DELE1: variants seen among roughly 807,000 people sequenced by gnomAD.
DELE1 encodes DAP3 binding cell death enhancer 1, also known as death ligand signal enhancer.
DELE1 carries 54 observed loss-of-function variants against 59.3 expected under a neutral mutation model. The observed-to-expected ratio is 0.91, with a 90% CI of 0.73 to 1.14. The LOEUF is 1.14. Ranked by LOEUF, DELE1 falls within the 50% of genes most tolerant of loss-of-function variation. The pLI is 0.00. For synonymous variants in DELE1, 264 were observed against 259.1 expected, an observed-to-expected ratio of 1.02 and a Z score of -0.18; for missense variants, 636 against 643.9, an observed-to-expected ratio of 0.99 and a Z score of 0.13.
chr5:141,928,554 G>A (rs1470447904), intron 4 of DELE1, among the ~76,000 whole-genome samples: 1 of 152,246 alleles, frequency 6.6e-6, no homozygotes, highest in Admixed American at 6.5e-5. Flanking sequence ...TAGATTCTGG[G>A]TGTGGCTTCC....
At chr5:141,938,192 A>C (rs1752521371) in intron 11 of DELE1, among the ~76,000 whole-genome samples, 1 of 152,102 alleles carries the variant, frequency 6.6e-6, no homozygotes, top group Non-Finnish European at 1.5e-5. Context: ...CAGTTTCTTC[A>C]CCTCTGAAAA....
Position 141,940,360 on chromosome 5 carries a change from G to A in DELE1, c.*1601G>A. Reference sequence around the variant, plus strand: ...CTGAATTTGTGAATAGCTATTCCCTGGCTTCTGGATGTTAGCCCAAGTTGA... The same window carrying A: ...CTGAATTTGTGAATAGCTATTCCCTAGCTTCTGGATGTTAGCCCAAGTTGA... On this transcript the variant is annotated 3_prime_UTR_variant, in exon 12 of 12. Coordinates refer to ENST00000432126, the MANE Select transcript of DELE1 (RefSeq NM_014773.5). The A allele has an allele frequency of 1.0e-6, 1 of 985,432 alleles. No homozygotes were observed. Among genetic ancestry groups the A allele is most frequent in the Non-Finnish European group, 1.2e-6 (1 of 829,952 alleles). 61.0% of individuals were successfully genotyped at this position (985,432 alleles called of 1,614,324 possible).
intron 7 of DELE1, among the ~76,000 whole-genome samples, chr5:141,930,702 A>G (rs1312456007): frequency 6.6e-6 from 1 of 152,236 alleles, no homozygotes. Context: ...TGCCACACTT[A>G]GGAAAGAACA....
intron 11 of DELE1, among the ~76,000 whole-genome samples, chr5:141,937,710 G>C (rs868707180): frequency 7.4e-6 from 1 of 135,980 alleles, no homozygotes; most frequent in African/African-American, 2.8e-5. Flanking sequence ...GGCAGAGCTT[G>C]CAGTGAGCCG....
chr5:141,924,679 G>T lies in DELE1; in HGVS notation c.130G>T (p.Val44Leu), dbSNP rs1199327359. 1 of 1,611,780 alleles carries T rather than the reference G, an allele frequency of 6.2e-7. No individual in the cohort carries two copies. The highest frequency in any genetic ancestry group is 8.5e-7 in the Non-Finnish European group (1 of 1,178,118). Reference sequence around the variant, plus strand: ...TACCTCCTCCACTTTGCTGGTTCCTGTGCCTAACCTCGACAGGTAAGATAC... The same window carrying T: ...TACCTCCTCCACTTTGCTGGTTCCTTTGCCTAACCTCGACAGGTAAGATAC... ...QTTSSTLLVP[V>L]PNLDRSGPHG... Residue 44 changes from valine (V) to leucine (L), a missense_variant, in exon 2 of 12, where the codon GTG (valine) becomes TTG (leucine). Transcript: ENST00000432126.
Position 141,930,301 on chromosome 5 carries a change from C to T in DELE1, c.754+27C>T, listed in dbSNP as rs766535960. 5 of 1,538,890 alleles carry T rather than the reference C, an allele frequency of 3.2e-6. No homozygotes were observed. In the East Asian group the frequency reaches 1.1e-4, roughly 35 times the overall value. On this transcript the variant is annotated intron_variant, in intron 7 of 11. Transcript: ENST00000432126. ...TAACCAAATGGACCCTGCCCCAAGG[C>T]AGGAGGGTGGGAAAATGGAAAGGGT...
intron 3 of DELE1, among the ~76,000 whole-genome samples, chr5:141,927,319 A>G (rs950359122): frequency 6.6e-6 from 1 of 151,958 alleles, no homozygotes; most frequent in Non-Finnish European, 1.5e-5. Context: ...TCATGCCTCA[A>G]CCTCCGAGTA....
At chr5:141,929,126 AGAG>A (rs1751666825) in intron 4 of DELE1, among the ~76,000 whole-genome samples, 6 of 152,278 alleles carry the variant, frequency 3.9e-5, no homozygotes, top group Admixed American at 3.9e-4. Context: ...CCAAGGAAAC[AGAG>A]GAGGAGGAGT....
In DELE1 at chr5:141,939,596, A is replaced by G. The variant is rs1430847995; in HGVS notation, c.*837A>G. On this transcript the variant is annotated 3_prime_UTR_variant, in exon 12 of 12. Coordinates refer to ENST00000432126, the MANE Select transcript of DELE1 (RefSeq NM_014773.5). ...CTAAAGAGGGAGCCTGTGGGTTCTCAGAGAGATATCACAATTTGAGTCCCA... is the reference window on the plus strand; with the variant it reads ...CTAAAGAGGGAGCCTGTGGGTTCTCGGAGAGATATCACAATTTGAGTCCCA... The G allele has an allele frequency of 1.0e-6, 1 of 985,760 alleles. No homozygotes were observed. Among genetic ancestry groups the G allele is most frequent in the African/African-American group, 1.7e-5 (1 of 57,242 alleles). The allele number at this position is 985,760 out of a possible 1,614,324, so 61.1% of individuals were successfully genotyped here.
Position 141,924,602 on chromosome 5 carries a change from C to T in DELE1, c.53C>T (p.Pro18Leu), listed in dbSNP as rs1474983806. The T allele has an allele frequency of 6.2e-7, 1 of 1,613,464 alleles. No individual in the cohort carries two copies. The highest frequency in any genetic ancestry group is 8.5e-7 in the Non-Finnish European group (1 of 1,179,384). ...LGRALPRTLG[P>L]SLWRVTPKST... ...ACAGCTCTTCCCCGTACACTGGGAC[C>T]TAGCCTCTGGAGGGTGACTCCTAAG... Residue 18 changes from proline (P) to leucine (L), a missense_variant, in exon 2 of 12, where the codon CCT becomes CTT. Transcript: ENST00000432126.
chr5:141,934,696 T>G, intron 10 of DELE1, 110 bp downstream of exon 10: 1 of 1,065,752 alleles, frequency 9.4e-7, no homozygotes, highest in East Asian at 2.4e-5. Context: ...GATAGGAGCC[T>G]TGGCCTGGCT....
In DELE1 at chr5:141,937,186, T is replaced by C; in HGVS notation, c.1150-12T>C. On this transcript the variant is annotated splice_polypyrimidine_tract_variant and intron_variant, in intron 10 of 11. Coordinates refer to ENST00000432126, the MANE Select transcript of DELE1 (RefSeq NM_014773.5). ...ATGTGTGTATCTGTTTGTCTGTCCA[T>C]TTTCTCCTTAGGACTCACAGAGCAG... The C allele has an allele frequency of 6.2e-7, 1 of 1,613,886 alleles. No individual in the cohort carries two copies. Among genetic ancestry groups the C allele is most frequent in the African/African-American group, 1.3e-5 (1 of 75,044 alleles).
intron 2 of DELE1, 41 bp downstream of exon 2, chr5:141,924,736 C>A: frequency 4.0e-6 from 5 of 1,248,666 alleles, no homozygotes; most frequent in Non-Finnish European, 5.8e-6. Context: ...CTCCCCTAGT[C>A]ACCCTTTTTT....
intron 10 of DELE1, 33 bp from the exon 11 acceptor site, chr5:141,937,165 G>A: frequency 6.2e-7 from 1 of 1,612,746 alleles, no homozygotes; most frequent in Non-Finnish European, 8.5e-7. Flanking sequence ...TCCTGCATGT[G>A]TGTATCTGTT....
At chr5:141,924,537 C>G (rs773418550) in intron 1 of DELE1, 44 bp from the exon 2 acceptor site, 2 of 1,139,480 alleles carry the variant, frequency 1.8e-6, no homozygotes, top group Non-Finnish European at 2.7e-6. Flanking sequence ...ACAGTGATTC[C>G]TGGGTTCTTG....
At position 141,941,776 on chromosome 5, in the gene DELE1, G is replaced by A. The variant is rs568106287; in HGVS notation, c.*3017G>A. The A allele has an allele frequency of 9.4e-5, 93 of 985,330 alleles. No individual in the cohort carries two copies. Among genetic ancestry groups the A allele is most frequent in the Non-Finnish European group, 1.1e-4 (88 of 829,904 alleles). 61.0% of individuals were successfully genotyped at this position (985,330 alleles called of 1,614,324 possible). ...ATCATTAGTGCTAATATAGTGTGGG[G>A]CACTCAGATGTTCAGTAAATATACA... On this transcript the variant is annotated 3_prime_UTR_variant, in exon 12 of 12. Transcript: ENST00000432126.
At chr5:141,933,191 G>T in intron 7 of DELE1, 68 bp from the exon 8 acceptor site, 2 of 1,332,572 alleles carry the variant, frequency 1.5e-6, no homozygotes, top group Non-Finnish European at 2.0e-6. Context: ...GGAGTCTGTA[G>T]GTACCTGGCT....
chr5:141,924,411 G>A (rs1751199229), intron 1 of DELE1, among the ~76,000 whole-genome samples, 170 bp from the exon 2 acceptor site: 2 of 152,218 alleles, frequency 1.3e-5, no homozygotes, highest in South Asian at 4.1e-4. Context: ...AAAAAACGTG[G>A]ATGCTCTACC....
intron 7 of DELE1, among the ~76,000 whole-genome samples, chr5:141,931,864 C>T (rs917632387): frequency 6.6e-6 from 1 of 152,164 alleles, no homozygotes. Flanking sequence ...TTTACTTGCC[C>T]ATCCCTTCAT....
Sources: gnomAD v4.1 joint callset for allele counts (sites outside exome capture counted in the v4.1 genomes callset) on GRCh38, gnomAD v4.1.1 for gene constraint, MANE v1.5 for transcripts, NCBI Gene and HGNC (gene_info 2026-07-23, HGNC 2026-07-21) for gene names.